GFM1: variants seen among roughly 807,000 people sequenced by gnomAD.
The protein encoded by GFM1 is elongation factor G, mitochondrial.
Under a neutral mutation model 96.2 loss-of-function variants are expected in GFM1, and 62 were observed. The observed-to-expected ratio is 0.64, with a 90% confidence interval of 0.53 to 0.80. The LOEUF is 0.80. Ranked by LOEUF, GFM1 falls within the 30% of genes least tolerant of loss-of-function variation. The pLI is 0.00. For missense variants in GFM1, 852 were observed against 916.6 expected (o/e 0.93, Z 0.91); for synonymous variants, 282 against 312.9 (o/e 0.90, Z 1.04).
chr3:158,654,698 A>G (rs1560131231), intron 8 of GFM1, 67 bp downstream of exon 8: 5 of 1,015,758 alleles, frequency 4.9e-6, no homozygotes, highest in African/African-American at 1.6e-5. Flanking sequence ...CTTTATTCCT[A>G]TTACAGAATG....
chr3:158,688,660 AG>A (rs1444715648), intron 15 of GFM1, among the ~76,000 whole-genome samples: 1 of 152,162 alleles, frequency 6.6e-6, no homozygotes, highest in Non-Finnish European at 1.5e-5. Flanking sequence ...AAGTTATGCA[AG>A]GAATAGAACT....
intron 14 of GFM1, among the ~76,000 whole-genome samples, chr3:158,682,705 T>C (rs1391833564): frequency 6.6e-6 from 1 of 152,174 alleles, no homozygotes; most frequent in Non-Finnish European, 1.5e-5. Context: ...GGTTAGTGTT[T>C]TGTTTGCTTT....
chr3:158,652,043 C>A, intron 5 of GFM1, 53 bp from the exon 6 acceptor site: 1 of 1,464,536 alleles, frequency 6.8e-7, no homozygotes, highest in Non-Finnish European at 9.6e-7. Context: ...TTCATTAGTC[C>A]TTCATATATT....
chr3:158,685,822 A>G (rs1158412016), intron 15 of GFM1, among the ~76,000 whole-genome samples: 1 of 152,192 alleles, frequency 6.6e-6, no homozygotes, highest in Non-Finnish European at 1.5e-5. Context: ...ACATTAAAAT[A>G]CTTGTCTTTT....
rs1726488427 is a variant in GFM1, at chr3:158,694,822, A to T, written c.*3355A>T. ...TAGGAAGAAAATGAAAGTATGAATA[A>T]AATAAAATGGAATGTAGACAAAATC... On this transcript the variant is annotated 3_prime_UTR_variant, in exon 18 of 18. Coordinates refer to ENST00000486715, the MANE Select transcript of GFM1 (RefSeq NM_024996.7). 6.6e-6 allele frequency among the ~76,000 whole-genome samples: 1 copy of T among 152,248 alleles called. No individual in the cohort carries two copies. Among genetic ancestry groups the T allele is most frequent in the Admixed American group, 6.5e-5 (1 of 15,286 alleles).
intron 15 of GFM1, among the ~76,000 whole-genome samples, chr3:158,686,144 A>G (rs1725811872): frequency 6.7e-6 from 1 of 149,438 alleles, no homozygotes; most frequent in African/African-American, 2.4e-5. Context: ...TTCCCACAGG[A>G]TATATATAAT....
intron 15 of GFM1, among the ~76,000 whole-genome samples, chr3:158,685,995 C>T (rs1197174399): frequency 6.6e-6 from 1 of 151,838 alleles, no homozygotes; most frequent in Non-Finnish European, 1.5e-5. Context: ...ATAGAGGTTA[C>T]ATAAAGCCAG....
chr3:158,658,921 G>C lies in GFM1; in HGVS notation c.1084-1G>C, dbSNP rs2108035113. 6.2e-7 allele frequency: 1 copy of C among 1,614,060 alleles called. No homozygotes were observed. The highest frequency in any genetic ancestry group is 1.3e-5 in the African/African-American group (1 of 75,024). ...TGCCCTTACCCAATCTTGACTTCTA[G>C]GTAGGTCGATTTGGACAATTAACTT... On this transcript the variant is annotated splice_acceptor_variant, in intron 8 of 17. Transcript: ENST00000486715. LOFTEE classifies it high-confidence loss of function.
At chr3:158,685,058 C>CAAA (rs1393198836) in intron 15 of GFM1, 1 of 175,222 alleles carries the variant, frequency 5.7e-6, no homozygotes, top group East Asian at 1.5e-4. Context: ...TAAGTAATCT[C>CAAA]TTCATTATGA....
rs1468715147 is a variant in GFM1, at chr3:158,692,032, T to C, written c.*565T>C. 1 of 153,260 alleles carries C rather than the reference T, an allele frequency of 6.5e-6. No individual in the cohort carries two copies. The allele number at this position is 153,260 out of a possible 1,614,324, so 9.5% of individuals were successfully genotyped here. ...GCATATATCATGACACTTCTTGGAG[T>C]GTCATTAATGGGCAGGCTTTTCTGT... On this transcript the variant is annotated 3_prime_UTR_variant, in exon 18 of 18. Coordinates refer to ENST00000486715, the MANE Select transcript of GFM1 (RefSeq NM_024996.7).
intron 15 of GFM1, chr3:158,685,121 G>A: frequency 6.2e-6 from 1 of 160,042 alleles, no homozygotes; most frequent in Non-Finnish European, 1.4e-5. Flanking sequence ...CAAAGAATTT[G>A]GTAAACCTTA....
intron 13 of GFM1, chr3:158,672,282 G>C (rs1020760590): frequency 1.9e-4 from 302 of 1,591,080 alleles, no homozygotes; most frequent in Non-Finnish European, 2.9e-5. Flanking sequence ...CAAAGGCTGA[G>C]ACCGCGGGTG....
intron 5 of GFM1, chr3:158,650,400 G>C: frequency 4.0e-6 from 1 of 251,370 alleles, no homozygotes; most frequent in South Asian, 5.8e-5. Context: ...GAATTACCAA[G>C]GCACATATTT....
In GFM1 at chr3:158,681,626, G is replaced by A. The variant is rs371543768; in HGVS notation, c.1602-369G>A. On this transcript the variant is annotated intron_variant, in intron 13 of 17. Transcript: ENST00000486715. The stretch of plus-strand genomic sequence containing the variant: ...TCAAAGGTCCTATTTTCAAGTAGTT[G>A]TCTTTGGTTACAGAGATGTAAGGAA... 1.6e-4 allele frequency among the ~76,000 whole-genome samples: 25 copies of A among 152,280 alleles called. No homozygotes were observed. The South Asian group carries it at 5.2e-3, about 32-fold the overall frequency.
intron 13 of GFM1, among the ~76,000 whole-genome samples, chr3:158,678,101 T>C (rs564296276): frequency 3.0e-4 from 46 of 152,308 alleles, no homozygotes; most frequent in African/African-American, 1.1e-3. Flanking sequence ...TTACTGAATG[T>C]TTAAAATCCA....
chr3:158,679,568 A>G (rs1035285395), intron 13 of GFM1, among the ~76,000 whole-genome samples: 1 of 152,356 alleles, frequency 6.6e-6, no homozygotes, highest in East Asian at 1.9e-4. Context: ...AAGCAACTAA[A>G]GGATGAAATG....
chr3:158,676,460 A>G (rs1020483935), intron 13 of GFM1, among the ~76,000 whole-genome samples: 2 of 152,172 alleles, frequency 1.3e-5, no homozygotes, highest in African/African-American at 2.4e-5. Context: ...GTTTGTTAGA[A>G]TGGTAATTTC....
intron 13 of GFM1, chr3:158,671,086 A>G: frequency 7.2e-7 from 1 of 1,383,426 alleles, no homozygotes; most frequent in Non-Finnish European, 9.5e-7. Flanking sequence ...CATTGTTAGA[A>G]GTATGCATCT....
At chr3:158,659,367 T>C (rs1187718844) in intron 9 of GFM1, among the ~76,000 whole-genome samples, 1 of 152,240 alleles carries the variant, frequency 6.6e-6, no homozygotes, top group Non-Finnish European at 1.5e-5. Context: ...AGAACTATTA[T>C]TACAAAAAAT....
Sources: allele counts gnomAD v4.1 joint callset (sites outside exome capture counted in the v4.1 genomes callset), GRCh38; gene constraint gnomAD v4.1.1; transcripts MANE v1.5; gene names NCBI Gene and HGNC (gene_info 2026-07-23, HGNC 2026-07-21).